Variants in TRPC7 observed in about 807,000 individuals in gnomAD.
TRPC7 encodes the protein short transient receptor potential channel 7.
In TRPC7, 42 loss-of-function variants were observed where a neutral mutation model predicts 90.1. The observed-to-expected ratio is 0.47, with a 90% CI of 0.36 to 0.60. The LOEUF (loss-of-function observed/expected upper bound fraction) is 0.60, where lower values mean the gene tolerates loss of function less well. TRPC7 is among the 20% of genes least tolerant of loss of function. TRPC7 has a pLI of 0.00. For missense variants in TRPC7, 955 were observed against 1,112.3 expected (o/e 0.86, Z 2.01); for synonymous variants, 451 against 436.3 (o/e 1.03, Z -0.42).
intron 4 of TRPC7, among the ~76,000 whole-genome samples, chr5:136,270,219 C>G (rs1299173874): frequency 6.6e-6 from 1 of 151,904 alleles, no homozygotes; most frequent in Admixed American, 6.6e-5. Flanking sequence ...CCATTAAGTG[C>G]AGATCTCTGG....
At chr5:136,236,764 G>A (rs1321890268) in intron 7 of TRPC7, among the ~76,000 whole-genome samples, 1 of 152,182 alleles carries the variant, frequency 6.6e-6, no homozygotes, top group African/African-American at 2.4e-5. Context: ...TGATCAACAA[G>A]GAGAGGGTTC....
chr5:136,300,341 G>T (rs568749186), intron 3 of TRPC7, among the ~76,000 whole-genome samples: 47 of 152,292 alleles, frequency 3.1e-4, no homozygotes, highest in African/African-American at 1.0e-3. Flanking sequence ...AGCAACTCAG[G>T]CTCATGTGTG....
chr5:136,257,888 G>A (rs1756735601), intron 5 of TRPC7, among the ~76,000 whole-genome samples: 1 of 152,122 alleles, frequency 6.6e-6, no homozygotes. Flanking sequence ...CTTTTAGCAT[G>A]GCACTAGGAG....
intron 2 of TRPC7, among the ~76,000 whole-genome samples, chr5:136,342,508 A>G (rs753790949): frequency 2.0e-5 from 3 of 152,200 alleles, no homozygotes; most frequent in Non-Finnish European, 4.4e-5. Flanking sequence ...GGGCCCAGCC[A>G]TCATCTGTCT....
intron 11 of TRPC7, among the ~76,000 whole-genome samples, chr5:136,215,176 G>A (rs1755223395): frequency 6.6e-6 from 1 of 152,150 alleles, no homozygotes; most frequent in Non-Finnish European, 1.5e-5. Flanking sequence ...ACTGAGACTG[G>A]ACAGGGCCAG....
At chr5:136,295,141 G>T (rs1268448110) in intron 3 of TRPC7, among the ~76,000 whole-genome samples, 3 of 152,024 alleles carry the variant, frequency 2.0e-5, no homozygotes, top group African/African-American at 7.3e-5. Flanking sequence ...CCTGTTGTGG[G>T]GTGGGGGGAG....
intron 2 of TRPC7, among the ~76,000 whole-genome samples, chr5:136,349,801 C>T (rs1002328888): frequency 4.6e-5 from 7 of 152,160 alleles, no homozygotes; most frequent in African/African-American, 7.2e-5. Flanking sequence ...AACTGAAGTA[C>T]AGTCATGCAT....
intron 3 of TRPC7, among the ~76,000 whole-genome samples, chr5:136,298,420 C>A (rs1758258608): frequency 6.6e-6 from 1 of 152,156 alleles, no homozygotes; most frequent in Non-Finnish European, 1.5e-5. Flanking sequence ...CTTTGTAGGC[C>A]ATTGTTAATA....
intron 3 of TRPC7, among the ~76,000 whole-genome samples, chr5:136,295,681 G>A (rs1580916045): frequency 6.6e-6 from 1 of 152,294 alleles, no homozygotes; most frequent in Non-Finnish European, 1.5e-5. Flanking sequence ...ATCTCTGTTA[G>A]GGTAATCTAG....
intron 3 of TRPC7, among the ~76,000 whole-genome samples, chr5:136,296,352 C>G (rs770324735): frequency 6.6e-6 from 1 of 152,060 alleles, no homozygotes; most frequent in African/African-American, 2.4e-5. Context: ...TAATATAGTC[C>G]TTTGGGAAAA....
chr5:136,232,739 G>A (rs1398833459), intron 7 of TRPC7, among the ~76,000 whole-genome samples: 2 of 152,178 alleles, frequency 1.3e-5, no homozygotes. Context: ...ACCTAGAATC[G>A]AATAAGAAAG....
intron 5 of TRPC7, among the ~76,000 whole-genome samples, 181 bp downstream of exon 5, chr5:136,266,039 G>A (rs1757016253): frequency 6.6e-6 from 1 of 152,116 alleles, no homozygotes; most frequent in Non-Finnish European, 1.5e-5. Context: ...ATTGGAATTT[G>A]TATACAGGTC....
chr5:136,348,418 CT>C (rs1296368089), intron 2 of TRPC7, among the ~76,000 whole-genome samples: 2 of 152,182 alleles, frequency 1.3e-5, no homozygotes, highest in African/African-American at 2.4e-5. Context: ...GTCCATTTAT[CT>C]CTTTTATTCC....
Position 136,251,700 on chromosome 5 carries a change from C to A in TRPC7, c.1528G>T (p.Asp510Tyr). 6.2e-7 allele frequency: 1 copy of A among 1,613,586 alleles called. No individual in the cohort carries two copies. Among genetic ancestry groups the A allele is most frequent in the Non-Finnish European group, 8.5e-7 (1 of 1,179,606 alleles). The change falls in exon 6 of 12, where the codon GAC (aspartate) becomes TAC (tyrosine). Residue 510 changes from aspartate to tyrosine, a missense_variant. Asp to Tyr is a radical substitution (Grantham distance 160). This residue lies in a region of TRPC7 where 484 missense variants were observed against 509.6 expected (regional missense o/e 0.95). Coordinates refer to ENST00000513104, the MANE Select transcript of TRPC7 (RefSeq NM_020389.3). ...GGAAGCGAGACATTGTGCAGCGTGTCGTCCTGCACGTGCTGGTCCACGTAC... is the reference window on the plus strand; with the variant it reads ...GGAAGCGAGACATTGTGCAGCGTGTAGTCCTGCACGTGCTGGTCCACGTAC... ...QLYVDQHVQD[D>Y]TLHNVSLPPE... is the part of the protein sequence containing the mutation.
At chr5:136,358,985 T>C (rs1760476477) in intron 1 of TRPC7, among the ~76,000 whole-genome samples, 1 of 152,234 alleles carries the variant, frequency 6.6e-6, no homozygotes, top group South Asian at 2.1e-4. Context: ...TATGTCTTCA[T>C]GCATAAACAA....
rs76098743 is a variant in TRPC7, at chr5:136,255,375, G to C, written c.1346-3493C>G. Among the ~76,000 whole-genome samples the C allele has an allele frequency of 8.0e-3, 1,226 of 152,306 alleles. 15 individuals carry two copies. Among genetic ancestry groups the C allele is most frequent in the African/African-American group, 0.021 (864 of 41,554 alleles). ...CAACAACTACCATTCTGATCAGTCA[G>C]TGGCCATCAACATTGAGCCAAGACC... On this transcript the variant is annotated intron_variant, in intron 5 of 11. Coordinates refer to ENST00000513104, the MANE Select transcript of TRPC7 (RefSeq NM_020389.3).
intron 7 of TRPC7, among the ~76,000 whole-genome samples, chr5:136,242,023 T>C (rs780869742): frequency 5.9e-5 from 9 of 152,194 alleles, no homozygotes; most frequent in Non-Finnish European, 1.2e-4. Context: ...TTCAGCAAAG[T>C]TGGCTATAAA....
chr5:136,236,229 G>C (rs1755974558), intron 7 of TRPC7, among the ~76,000 whole-genome samples: 1 of 152,202 alleles, frequency 6.6e-6, no homozygotes, highest in Admixed American at 6.5e-5. Context: ...ATAAGAGAAT[G>C]CTATGAGACT....
intron 3 of TRPC7, among the ~76,000 whole-genome samples, chr5:136,306,550 A>G (rs1758638131): frequency 6.6e-6 from 1 of 152,176 alleles, no homozygotes; most frequent in Admixed American, 6.5e-5. Flanking sequence ...TTATTAATAT[A>G]AGAAAGCAGG....
Sources: allele counts gnomAD v4.1 joint callset (sites outside exome capture counted in the v4.1 genomes callset), GRCh38; gene constraint gnomAD v4.1.1; regional missense constraint gnomAD v4.1.1; transcripts MANE v1.5; gene names NCBI Gene and HGNC (gene_info 2026-07-23, HGNC 2026-07-21).